The following AKAP6 variants were observed in gnomAD, a reference collection of about 807,000 sequenced individuals.
The protein encoded by AKAP6 is A-kinase anchoring protein 6, also known as A-kinase anchor protein 6.
AKAP6 carries 58 observed loss-of-function variants against 188.5 expected under a neutral mutation model. The observed-to-expected ratio is 0.31, with a 90% CI of 0.25 to 0.38. The LOEUF (loss-of-function observed/expected upper bound fraction) is 0.38, where lower values mean the gene tolerates loss of function less well. Ranked by LOEUF, AKAP6 falls within the 10% of genes least tolerant of loss-of-function variation. AKAP6 has a pLI of 1.00. For missense variants in AKAP6, 2,710 were observed against 2,740.0 expected (o/e 0.99, Z 0.24); for synonymous variants, 989 against 998.6 (o/e 0.99, Z 0.18).
At position 32,492,355 on chromosome 14, in the gene AKAP6, T is replaced by TATAGAGAGAGAGAGAGAGAG; in HGVS notation, c.325-43198_325-43197insTAGAGAGAGAGAGAGAGAGA. On this transcript the variant is annotated intron_variant, in intron 2 of 13. Coordinates refer to ENST00000280979, the MANE Select transcript of AKAP6 (RefSeq NM_004274.5). ...ACATTGTAATATATATATATATATA[T>TATAGAGAGAGAGAGAGAGAG]AGAGAGAGAGAGAGAGAGAGAGAGA... Among the ~76,000 whole-genome samples the TATAGAGAGAGAGAGAGAGAG allele has an allele frequency of 7.3e-5, 6 of 82,608 alleles. No homozygotes were observed. The East Asian group carries it at 2.0e-3, about 27-fold the overall frequency. The allele number at this position is 82,608 out of a possible 152,430, so 54.2% of individuals were successfully genotyped here.
At chr14:32,583,337 C>T (rs1283052487) in intron 5 of AKAP6, among the ~76,000 whole-genome samples, 1 of 152,144 alleles carries the variant, frequency 6.6e-6, no homozygotes, top group African/African-American at 2.4e-5. Context: ...GCTGTGTGAT[C>T]GTTCCTCCGG....
intron 11 of AKAP6, among the ~76,000 whole-genome samples, chr14:32,765,972 T>C (rs1566696233): frequency 6.6e-6 from 1 of 152,152 alleles, no homozygotes; most frequent in Non-Finnish European, 1.5e-5. Flanking sequence ...TTTCAGAATG[T>C]TTTCACCACT....
intron 1 of AKAP6, among the ~76,000 whole-genome samples, chr14:32,405,762 T>C (rs1317358491): frequency 6.6e-6 from 1 of 152,144 alleles, no homozygotes; most frequent in African/African-American, 2.4e-5. Context: ...CTAGCACCCA[T>C]TCTCTCTCCT....
At chr14:32,481,285 G>A (rs1292872224) in intron 2 of AKAP6, among the ~76,000 whole-genome samples, 3 of 152,120 alleles carry the variant, frequency 2.0e-5, no homozygotes, top group Admixed American at 6.5e-5. Flanking sequence ...CTCACAGTTC[G>A]CAGATCCAAT....
At chr14:32,456,783 G>C (rs1891158231) in intron 2 of AKAP6, among the ~76,000 whole-genome samples, 1 of 152,124 alleles carries the variant, frequency 6.6e-6, no homozygotes, top group African/African-American at 2.4e-5. Context: ...TGGACGTGCT[G>C]TTTCTTTTGT....
intron 7 of AKAP6, among the ~76,000 whole-genome samples, chr14:32,646,483 A>G (rs754938640): frequency 2.0e-5 from 3 of 152,178 alleles, no homozygotes; most frequent in Non-Finnish European, 4.4e-5. Flanking sequence ...CATAAGCGTT[A>G]TATCAGAAAA....
At chr14:32,642,890 T>C (rs948116909) in intron 7 of AKAP6, among the ~76,000 whole-genome samples, 1 of 152,184 alleles carries the variant, frequency 6.6e-6, no homozygotes, top group Non-Finnish European at 1.5e-5. Flanking sequence ...AGTTAAAGTA[T>C]ATCAGTATTA....
intron 8 of AKAP6, among the ~76,000 whole-genome samples, chr14:32,694,887 A>G (rs1281605477): frequency 5.3e-5 from 8 of 152,190 alleles, no homozygotes; most frequent in African/African-American, 1.7e-4. Flanking sequence ...ATTCAGATTC[A>G]TACCTGAGGC....
At chr14:32,793,118 A>G (rs1268090408) in intron 12 of AKAP6, among the ~76,000 whole-genome samples, 1 of 152,180 alleles carries the variant, frequency 6.6e-6, no homozygotes. Context: ...AACCACATAA[A>G]CAAGTCCACA....
intron 4 of AKAP6, among the ~76,000 whole-genome samples, chr14:32,548,196 G>A (rs1377953818): frequency 1.3e-5 from 2 of 150,428 alleles, no homozygotes; most frequent in African/African-American, 4.9e-5. Context: ...CCACCTCCCA[G>A]GTTCAAGAGA....
intron 10 of AKAP6, 42 bp from the exon 11 acceptor site, chr14:32,735,616 G>A (rs893048737): frequency 1.5e-6 from 2 of 1,364,586 alleles, no homozygotes; most frequent in South Asian, 2.8e-5. Flanking sequence ...GTTTTTTTTT[G>A]TTTGTTTGTT....
intron 12 of AKAP6, among the ~76,000 whole-genome samples, chr14:32,808,643 T>C (rs1235798468): frequency 6.6e-6 from 1 of 152,206 alleles, no homozygotes; most frequent in Non-Finnish European, 1.5e-5. Flanking sequence ...CCACTTCAAA[T>C]AGGGAAGGGA....
chr14:32,446,036 G>T (rs6571515), intron 2 of AKAP6, among the ~76,000 whole-genome samples: 41,022 of 151,994 alleles, frequency 0.27, 11,444 homozygotes, highest in African/African-American at 0.71. Context: ...AAGTTCTATT[G>T]GCAATTTTAT....
chr14:32,513,148 C>T (rs1881343452), intron 2 of AKAP6, among the ~76,000 whole-genome samples: 1 of 152,070 alleles, frequency 6.6e-6, no homozygotes, highest in Admixed American at 6.5e-5. Flanking sequence ...TGGAAACTGT[C>T]CATAGAACTA....
rs941861189 is a variant in AKAP6, at chr14:32,822,307, G to T, written c.4494G>T (p.Leu1498=). The T allele has an allele frequency of 2.2e-5, 36 of 1,613,778 alleles. No homozygotes were observed. The highest frequency in any genetic ancestry group is 3.1e-5 in the Non-Finnish European group (36 of 1,179,928). ...QSEKAHVEDP[L]LRGFYFDKKS... Reference sequence around the variant, plus strand: ...AAAAAGCGCATGTGGAGGATCCCCTGCTTCGTGGTTTTTATTTTGATAAAA... The same window carrying T: ...AAAAAGCGCATGTGGAGGATCCCCTTCTTCGTGGTTTTTATTTTGATAAAA... Residue 1498 remains leucine, a synonymous_variant, in exon 13 of 14, where the codon CTG becomes CTT. Coordinates refer to ENST00000280979, the MANE Select transcript of AKAP6 (RefSeq NM_004274.5).
intron 2 of AKAP6, among the ~76,000 whole-genome samples, chr14:32,435,086 T>C (rs1243001417): frequency 2.0e-5 from 3 of 152,186 alleles, no homozygotes; most frequent in Non-Finnish European, 4.4e-5. Flanking sequence ...CTGTGAAACA[T>C]GGTTTGTATA....
At chr14:32,350,153 C>T (rs1489487064) in intron 1 of AKAP6, among the ~76,000 whole-genome samples, 2 of 152,094 alleles carry the variant, frequency 1.3e-5, no homozygotes, top group Non-Finnish European at 2.9e-5. Context: ...TAGTGACTTG[C>T]TCTCAGAAAA....
intron 12 of AKAP6, among the ~76,000 whole-genome samples, chr14:32,774,860 G>A (rs1431052394): frequency 6.6e-6 from 1 of 152,114 alleles, no homozygotes; most frequent in Non-Finnish European, 1.5e-5. Flanking sequence ...AAAATCAAAT[G>A]TAAAAATCAT....
intron 5 of AKAP6, among the ~76,000 whole-genome samples, chr14:32,582,046 G>A (rs1340477420): frequency 1.3e-5 from 2 of 151,866 alleles, no homozygotes; most frequent in Non-Finnish European, 2.9e-5. Context: ...TATGATGTTA[G>A]CTGGTTATTT....
Sources: gnomAD v4.1 joint callset for allele counts (sites outside exome capture counted in the v4.1 genomes callset) on GRCh38, gnomAD v4.1.1 for gene constraint, MANE v1.5 for transcripts, NCBI Gene and HGNC (gene_info 2026-07-23, HGNC 2026-07-21) for gene names.